UBTD2: variants seen among roughly 807,000 people sequenced by gnomAD.
UBTD2 encodes the protein ubiquitin domain containing 2.
Under a neutral mutation model 19.8 loss-of-function variants are expected in UBTD2, and 9 were observed. The observed-to-expected ratio is 0.46, with a 90% CI of 0.27 to 0.79. The LOEUF is 0.79. Ranked by LOEUF, UBTD2 falls within the 30% of genes least tolerant of loss-of-function variation. The pLI, the probability that UBTD2 is intolerant of heterozygous loss-of-function variation, is 0.14. For missense variants in UBTD2, 250 were observed against 300.4 expected (o/e 0.83, Z 1.24); for synonymous variants, 98 against 103.9 (o/e 0.94, Z 0.35).
intron 2 of UBTD2, among the ~76,000 whole-genome samples, chr5:172,216,793 C>G (rs544506562): frequency 6.3e-4 from 96 of 151,940 alleles, no homozygotes; most frequent in Admixed American, 6.6e-4. Context: ...TAGTGAAACC[C>G]TGTCTCTACA....
At chr5:172,235,956 T>C (rs1237010488) in intron 1 of UBTD2, among the ~76,000 whole-genome samples, 2 of 152,158 alleles carry the variant, frequency 1.3e-5, no homozygotes. Context: ...GCAGAAAGAA[T>C]ACCAATTTTA....
intron 2 of UBTD2, 89 bp downstream of exon 2, chr5:172,234,033 G>A: frequency 7.4e-7 from 1 of 1,347,368 alleles, no homozygotes; most frequent in Non-Finnish European, 1.0e-6. Flanking sequence ...ATAATTCATA[G>A]CAAGGAAAAA....
chr5:172,282,075 G>A (rs1182570006), intron 1 of UBTD2, among the ~76,000 whole-genome samples: 1 of 152,094 alleles, frequency 6.6e-6, no homozygotes, highest in African/African-American at 2.4e-5. Context: ...AGAGCAAAAT[G>A]CTTATGACAA....
In UBTD2 at chr5:172,271,501, ACTC is replaced by A. The variant is rs539981106; in HGVS notation, c.70+12092_70+12094del. Among the ~76,000 whole-genome samples the A allele has an allele frequency of 2.4e-3, 355 of 149,946 alleles. 5 individuals carry two copies. The highest frequency in any genetic ancestry group is 0.022 in the Admixed American group (337 of 14,992). ...GTGATGCTTTCTGACCCTGCCCCCC[ACTC>A]CTCCTTGAACTTACATAATATTCAT... On this transcript the variant is annotated intron_variant, in intron 1 of 2. Coordinates refer to ENST00000393792, the MANE Select transcript of UBTD2 (RefSeq NM_152277.3).
At chr5:172,246,761 T>C (rs1442351536) in intron 1 of UBTD2, among the ~76,000 whole-genome samples, 2 of 60,608 alleles carry the variant, frequency 3.3e-5, no homozygotes, top group Non-Finnish European at 6.8e-5. Context: ...CTTTTTTTTT[T>C]TTTTTTTTTT....
chr5:172,220,959 C>G (rs1398105951), intron 2 of UBTD2, among the ~76,000 whole-genome samples: 1 of 152,178 alleles, frequency 6.6e-6, no homozygotes, highest in Non-Finnish European at 1.5e-5. Context: ...GTCAACTGCT[C>G]TCCTATACAT....
At chr5:172,260,204 T>G (rs1335312927) in intron 1 of UBTD2, among the ~76,000 whole-genome samples, 1 of 152,214 alleles carries the variant, frequency 6.6e-6, no homozygotes, top group Non-Finnish European at 1.5e-5. Flanking sequence ...ATTTTATACT[T>G]TCTACTTACT....
chr5:172,215,610 C>G (rs968294942), intron 2 of UBTD2, among the ~76,000 whole-genome samples: 3 of 152,168 alleles, frequency 2.0e-5, no homozygotes, highest in African/African-American at 7.2e-5. Context: ...CAAAACTAGA[C>G]TCAGATACGG....
At chr5:172,223,490 T>C (rs1771692932) in intron 2 of UBTD2, among the ~76,000 whole-genome samples, 1 of 144,178 alleles carries the variant, frequency 6.9e-6, no homozygotes, top group Non-Finnish European at 1.5e-5. Flanking sequence ...TCCCAGCTAC[T>C]CAGGAGGCTG....
intron 1 of UBTD2, among the ~76,000 whole-genome samples, chr5:172,236,658 C>T (rs1339923765): frequency 6.6e-6 from 1 of 152,190 alleles, no homozygotes; most frequent in Non-Finnish European, 1.5e-5. Context: ...GAAGATGGCA[C>T]AGTAAGCAGG....
At chr5:172,261,887 G>A (rs932962802) in intron 1 of UBTD2, among the ~76,000 whole-genome samples, 1 of 152,122 alleles carries the variant, frequency 6.6e-6, no homozygotes, top group South Asian at 2.1e-4. Context: ...GCCTCCCAGA[G>A]TGCTGGGATT....
At chr5:172,232,653 G>A (rs1029243336) in intron 2 of UBTD2, among the ~76,000 whole-genome samples, 5 of 151,980 alleles carry the variant, frequency 3.3e-5, no homozygotes, top group Non-Finnish European at 7.4e-5. Flanking sequence ...TTGAACCCAG[G>A]AGTTCGAGAT....
At chr5:172,243,457 T>C (rs1772172443) in intron 1 of UBTD2, among the ~76,000 whole-genome samples, 1 of 151,440 alleles carries the variant, frequency 6.6e-6, no homozygotes. Flanking sequence ...AGCAAGAAGA[T>C]AACTGTATGT....
chr5:172,282,295 T>C (rs1457392324), intron 1 of UBTD2, among the ~76,000 whole-genome samples: 1 of 152,206 alleles, frequency 6.6e-6, no homozygotes, highest in African/African-American at 2.4e-5. Context: ...CCAGTAATAA[T>C]GCTACGACAT....
intron 2 of UBTD2, among the ~76,000 whole-genome samples, chr5:172,231,807 T>C (rs771266603): frequency 2.8e-4 from 42 of 152,190 alleles, no homozygotes; most frequent in Non-Finnish European, 5.3e-4. Context: ...ATGATAAAAC[T>C]ATCTGTAAAG....
In UBTD2 at chr5:172,283,644, G is replaced by A; in HGVS notation, c.22C>T (p.Gln8Ter). ...TTGAGGCTGCCCGAGGAGTCGTGCT[G>A]GGCGCCCACACACCCGCCCATGGGG... MGGCVGA[Q>*]HDSSGSLNEN... Residue 8 changes from glutamine to a stop codon, truncating the protein, a stop_gained, in exon 1 of 3, where the codon CAG becomes TAG. Transcript: ENST00000393792. LOFTEE classifies it high-confidence loss of function. The surrounding 1 kb of genome is among the most constrained non-coding windows in gnomAD (Gnocchi z 4.3). 1 of 1,273,244 alleles carries A rather than the reference G, an allele frequency of 7.9e-7. No individual in the cohort carries two copies. Among genetic ancestry groups the A allele is most frequent in the Non-Finnish European group, 1.0e-6 (1 of 1,002,330 alleles). The allele number at this position is 1,273,244 out of a possible 1,614,324, so 78.9% of individuals were successfully genotyped here.
At chr5:172,241,962 G>A (rs1772138407) in intron 1 of UBTD2, among the ~76,000 whole-genome samples, 1 of 152,270 alleles carries the variant, frequency 6.6e-6, no homozygotes, top group Non-Finnish European at 1.5e-5. Context: ...AGGCTGCAGT[G>A]AGCTGCGATC....
At chr5:172,212,643 T>C (rs1466591509) in intron 2 of UBTD2, among the ~76,000 whole-genome samples, 3 of 152,168 alleles carry the variant, frequency 2.0e-5, no homozygotes, top group Non-Finnish European at 1.5e-5. Context: ...TCACCACAAG[T>C]GTTCCAGAGC....
At chr5:172,258,598 T>TA (rs1179266719) in intron 1 of UBTD2, among the ~76,000 whole-genome samples, 4 of 152,208 alleles carry the variant, frequency 2.6e-5, no homozygotes, top group African/African-American at 9.6e-5. Flanking sequence ...ATTCTTCCTC[T>TA]CCATGAGCAT....
Sources: gnomAD v4.1 joint callset for allele counts (sites outside exome capture counted in the v4.1 genomes callset) on GRCh38, gnomAD v4.1.1 for gene constraint, Gnocchi (gnomAD v3.1) non-coding constraint, MANE v1.5 for transcripts, NCBI Gene and HGNC (gene_info 2026-07-23, HGNC 2026-07-21) for gene names.